Variants in ANKFN1 observed in about 807,000 individuals in gnomAD.
The protein encoded by ANKFN1 is ankyrin repeat and fibronectin type-III domain-containing protein 1.
In ANKFN1, 74 loss-of-function variants were observed where a neutral mutation model predicts 108.7. That is an observed-to-expected ratio of 0.68 (90% CI 0.56 to 0.83). The LOEUF (loss-of-function observed/expected upper bound fraction) is 0.83, where lower values mean the gene tolerates loss of function less well. Among genes scored for constraint, ANKFN1 ranks in the 40% least tolerant of loss-of-function variants. The pLI is 0.00. For missense variants in ANKFN1, 1,505 were observed against 1,382.3 expected, an observed-to-expected ratio of 1.09 and a Z score of -1.41; for synonymous variants, 547 against 516.2, an observed-to-expected ratio of 1.06 and a Z score of -0.81.
Position 56,514,573 on chromosome 17 carries a change from A to T in ANKFN1, c.*3304A>T, listed in dbSNP as rs1043016149. Among the ~76,000 whole-genome samples the T allele has an allele frequency of 6.6e-6, 1 of 152,226 alleles. No individual in the cohort carries two copies. The highest frequency in any genetic ancestry group is 1.5e-5 in the Non-Finnish European group (1 of 68,034). ...CGAGGGTGCCTGGGAGACAGTAATTAAAAACATTCACTCCAGGGAATGAGT... is the reference window on the plus strand; with the variant it reads ...CGAGGGTGCCTGGGAGACAGTAATTTAAAACATTCACTCCAGGGAATGAGT... On this transcript the variant is annotated 3_prime_UTR_variant, in exon 21 of 21. Transcript: ENST00000682825.
intron 3 of ANKFN1, among the ~76,000 whole-genome samples, chr17:56,296,771 C>G (rs1425305430): frequency 6.6e-6 from 1 of 152,208 alleles, no homozygotes; most frequent in Non-Finnish European, 1.5e-5. Flanking sequence ...CTTAAGTCCA[C>G]TGCTGAGTGT....
rs942305148 is a variant in ANKFN1 at position 56,220,350 on chromosome 17, C to T, written c.13-7567C>T. ...TTTAAATATTGTACTAGTCCAGTCT[C>T]CCATTATTATAAAGAAATAGCTTCT... On this transcript the variant is annotated intron_variant, in intron 2 of 20. Transcript: ENST00000682825. Among the ~76,000 whole-genome samples the T allele has an allele frequency of 2.0e-5, 3 of 152,286 alleles. No individual in the cohort carries two copies. The East Asian group carries it at 5.8e-4, about 29-fold the overall frequency.
intron 3 of ANKFN1, among the ~76,000 whole-genome samples, chr17:56,311,115 A>G (rs555137006): frequency 1.3e-5 from 2 of 151,458 alleles, no homozygotes; most frequent in South Asian, 4.2e-4. Flanking sequence ...TCCTCCTTTT[A>G]GGGCTACATA....
At chr17:56,399,002 A>G (rs1334323126) in intron 8 of ANKFN1, among the ~76,000 whole-genome samples, 2 of 152,182 alleles carry the variant, frequency 1.3e-5, no homozygotes, top group South Asian at 2.1e-4. Flanking sequence ...AGGAAAATTC[A>G]TAAGTAGCTC....
chr17:56,135,457 T>G (rs1030866319), intron 4 of ANKFN1, among the ~76,000 whole-genome samples: 25 of 152,176 alleles, frequency 1.6e-4, no homozygotes, highest in Admixed American at 1.6e-3. Context: ...CCTTACCTGG[T>G]GTTCTTTTAA....
intron 8 of ANKFN1, among the ~76,000 whole-genome samples, chr17:56,408,844 C>A (rs192352800): frequency 6.6e-6 from 1 of 151,468 alleles, no homozygotes; most frequent in African/African-American, 2.4e-5. Flanking sequence ...TGGGTTTGAA[C>A]GCAAAAAGTA....
chr17:56,326,469 A>G, intron 4 of ANKFN1, 114 bp downstream of exon 4: 3 of 1,360,940 alleles, frequency 2.2e-6, no homozygotes, highest in Non-Finnish European at 2.0e-6. Flanking sequence ...AAAAATCTGC[A>G]TCTTCCAAAG....
chr17:56,498,939 A>G lies in ANKFN1; in HGVS notation c.2485A>G (p.Arg829Gly), dbSNP rs1292779959. The change falls in exon 20 of 21, where the codon AGA (arginine) becomes GGA (glycine). Residue 829 changes from arginine (R) to glycine (G), a missense_variant. Physicochemically the swap from Arg to Gly is moderately radical, Grantham distance 125 (BLOSUM62 -2). Coordinates refer to ENST00000682825, the MANE Select transcript of ANKFN1 (RefSeq NM_001370326.1). ...RWIMDALQYA[R>G]YKQPVSGLPI... ...GATCATGGATGCTCTACAGTATGCA[A>G]GATACAAACAACCAGTTTCTGGCTT... is the stretch of plus-strand genomic sequence containing the variant. 3 of 1,535,748 alleles carry G rather than the reference A, an allele frequency of 2.0e-6. No individual in the cohort carries two copies. Among genetic ancestry groups the G allele is most frequent in the Non-Finnish European group, 1.7e-6 (2 of 1,146,612 alleles).
chr17:56,371,943 T>G (rs1217210475), intron 6 of ANKFN1, among the ~76,000 whole-genome samples: 1 of 152,196 alleles, frequency 6.6e-6, no homozygotes, highest in African/African-American at 2.4e-5. Flanking sequence ...CTTATCCTCT[T>G]GAGCATAGGT....
Position 56,457,405 on chromosome 17 carries a change from A to T in ANKFN1, c.1440+16A>T. 6.4e-7 allele frequency: 1 copy of T among 1,570,862 alleles called. No individual in the cohort carries two copies. The highest frequency in any genetic ancestry group is 8.6e-7 in the Non-Finnish European group (1 of 1,166,194). On this transcript the variant is annotated intron_variant, in intron 13 of 20. Coordinates refer to ENST00000682825, the MANE Select transcript of ANKFN1 (RefSeq NM_001370326.1). ...GTTCACGAAGGTATACTAAGTTCTG[A>T]TTTCATTTTTCCCTACTTTGTACCA...
At chr17:56,284,091 T>C (rs1165006639) in intron 3 of ANKFN1, among the ~76,000 whole-genome samples, 1 of 152,184 alleles carries the variant, frequency 6.6e-6, no homozygotes, top group Non-Finnish European at 1.5e-5. Flanking sequence ...TGATAAGAAT[T>C]TCATAGAGAT....
chr17:56,068,989 T>C (rs1245103074), intron 4 of ANKFN1, among the ~76,000 whole-genome samples: 1 of 152,208 alleles, frequency 6.6e-6, no homozygotes, highest in East Asian at 1.9e-4. Flanking sequence ...CCCCCTCCTA[T>C]GAATCTCAGC....
chr17:56,364,315 AAAT>A (rs1166222251), intron 6 of ANKFN1, among the ~76,000 whole-genome samples: 1 of 152,178 alleles, frequency 6.6e-6, no homozygotes, highest in Non-Finnish European at 1.5e-5. Flanking sequence ...TTAGTACCAA[AAAT>A]AACATAAAAT....
At chr17:56,439,348 C>A (rs2049027715) in intron 8 of ANKFN1, among the ~76,000 whole-genome samples, 1 of 152,054 alleles carries the variant, frequency 6.6e-6, no homozygotes, top group South Asian at 2.1e-4. Context: ...TAAGTCCCTG[C>A]TTCATTTATG....
chr17:56,229,428 A>C (rs1916533469), intron 3 of ANKFN1, among the ~76,000 whole-genome samples: 2 of 151,954 alleles, frequency 1.3e-5, no homozygotes, highest in South Asian at 4.1e-4. Context: ...TTGCATATTC[A>C]TATTTGGTAG....
intron 8 of ANKFN1, among the ~76,000 whole-genome samples, chr17:56,395,134 C>A (rs1405084372): frequency 6.6e-6 from 1 of 152,084 alleles, no homozygotes; most frequent in Non-Finnish European, 1.5e-5. Context: ...AGCTAGGGTT[C>A]CAGCAGAAAA....
intron 3 of ANKFN1, among the ~76,000 whole-genome samples, chr17:56,295,003 C>T (rs554453292): frequency 6.6e-6 from 1 of 152,286 alleles, no homozygotes; most frequent in East Asian, 1.9e-4. Flanking sequence ...TTGTTTGTGA[C>T]CATCTCTGAA....
intron 4 of ANKFN1, among the ~76,000 whole-genome samples, chr17:56,071,344 A>T (rs6505028): frequency 6.6e-6 from 1 of 151,962 alleles, no homozygotes; most frequent in South Asian, 2.1e-4. Flanking sequence ...GTTCTCTTTC[A>T]TCCTTGTGAT....
intron 4 of ANKFN1, among the ~76,000 whole-genome samples, chr17:56,342,155 C>T (rs1210299046): frequency 6.6e-6 from 1 of 151,174 alleles, no homozygotes; most frequent in Non-Finnish European, 1.5e-5. Context: ...GGTAATATCC[C>T]CCTTATAATT....
Sources: gnomAD v4.1 joint callset for allele counts (sites outside exome capture counted in the v4.1 genomes callset) on GRCh38, gnomAD v4.1.1 for gene constraint, MANE v1.5 for transcripts, NCBI Gene and HGNC (gene_info 2026-07-23, HGNC 2026-07-21) for gene names.